Variants in FSTL5 observed in about 807,000 individuals in gnomAD.
FSTL5 encodes follistatin-related protein 5.
In FSTL5, 62 loss-of-function variants were observed where a neutral mutation model predicts 89.1. The ratio of observed to expected loss-of-function variants is 0.70; its 90% CI spans 0.57 to 0.86. The LOEUF is 0.86. Ranked by LOEUF, FSTL5 falls within the 40% of genes least tolerant of loss-of-function variation. The pLI, the probability that FSTL5 is intolerant of heterozygous loss-of-function variation, is 0.00. For missense variants in FSTL5, 1,057 were observed against 1,001.6 expected, an observed-to-expected ratio of 1.06 and a Z score of -0.75; for synonymous variants, 383 against 346.2, an observed-to-expected ratio of 1.11 and a Z score of -1.18.
chr4:162,125,127 C>T (rs1184031545), intron 1 of FSTL5, among the ~76,000 whole-genome samples: 3 of 152,102 alleles, frequency 2.0e-5, no homozygotes, highest in African/African-American at 7.2e-5. Flanking sequence ...GCAAGTAGGG[C>T]CGTTAGCCCA....
At chr4:161,739,864 T>A (rs1579059550) in intron 6 of FSTL5, among the ~76,000 whole-genome samples, 1 of 145,142 alleles carries the variant, frequency 6.9e-6, no homozygotes, top group African/African-American at 2.5e-5. Context: ...AAAAAAAAAA[T>A]TGTTGAGATA....
intron 4 of FSTL5, among the ~76,000 whole-genome samples, chr4:161,901,827 C>G (rs1207659601): frequency 1.3e-5 from 2 of 151,956 alleles, no homozygotes; most frequent in Non-Finnish European, 1.5e-5. Flanking sequence ...CCCAGCTACT[C>G]GGGAGGCCGA....
intron 2 of FSTL5, among the ~76,000 whole-genome samples, chr4:162,086,942 A>G (rs1199479397): frequency 6.6e-6 from 1 of 152,126 alleles, no homozygotes; most frequent in Non-Finnish European, 1.5e-5. Flanking sequence ...GAATATCAAT[A>G]TGACTATTTG....
chr4:161,558,870 T>C (rs1036523183), intron 8 of FSTL5, among the ~76,000 whole-genome samples: 4 of 151,868 alleles, frequency 2.6e-5, no homozygotes, highest in African/African-American at 9.7e-5. Context: ...CCAATCCAGT[T>C]ATTTATGGCA....
At chr4:161,515,995 T>A (rs1730810285) in intron 10 of FSTL5, among the ~76,000 whole-genome samples, 1 of 151,676 alleles carries the variant, frequency 6.6e-6, no homozygotes, top group Non-Finnish European at 1.5e-5. Flanking sequence ...TTCAAACACT[T>A]CAGGTGAACT....
At chr4:161,996,290 C>T (rs902968879) in intron 3 of FSTL5, among the ~76,000 whole-genome samples, 1 of 152,212 alleles carries the variant, frequency 6.6e-6, no homozygotes, top group Non-Finnish European at 1.5e-5. Flanking sequence ...AGGTTGCTCA[C>T]CAGTGAAATA....
chr4:161,790,639 A>G (rs983840062), intron 4 of FSTL5, among the ~76,000 whole-genome samples: 2 of 152,222 alleles, frequency 1.3e-5, no homozygotes, highest in Admixed American at 1.3e-4. Context: ...ACTAATGTAA[A>G]GAGGTCAGCT....
intron 7 of FSTL5, among the ~76,000 whole-genome samples, chr4:161,588,371 C>A (rs1269544427): frequency 9.9e-5 from 15 of 151,882 alleles, no homozygotes; most frequent in Non-Finnish European, 1.5e-5. Flanking sequence ...TCAGTGATAA[C>A]ATTTATAGCC....
chr4:161,836,904 TC>T (rs1249896540), intron 4 of FSTL5, among the ~76,000 whole-genome samples: 1 of 152,136 alleles, frequency 6.6e-6, no homozygotes, highest in Non-Finnish European at 1.5e-5. Flanking sequence ...TTGACTTCAT[TC>T]TTTGAGATAG....
intron 13 of FSTL5, among the ~76,000 whole-genome samples, chr4:161,468,485 C>T (rs1166181735): frequency 6.6e-6 from 1 of 151,986 alleles, no homozygotes; most frequent in African/African-American, 2.4e-5. Flanking sequence ...AGATTGCTGC[C>T]CGCAAGCATA....
chr4:161,547,225 C>T (rs1732038093), intron 8 of FSTL5, among the ~76,000 whole-genome samples: 1 of 152,016 alleles, frequency 6.6e-6, no homozygotes, highest in South Asian at 2.1e-4. Context: ...ATGACTACAG[C>T]TCTGAACAAC....
At chr4:161,564,463 T>C (rs560210415) in intron 8 of FSTL5, among the ~76,000 whole-genome samples, 1 of 150,978 alleles carries the variant, frequency 6.6e-6, no homozygotes, top group African/African-American at 2.4e-5. Context: ...AATATAACAA[T>C]ATTTGCTGAA....
chr4:161,846,293 A>G (rs1400947238), intron 4 of FSTL5, among the ~76,000 whole-genome samples: 2 of 152,058 alleles, frequency 1.3e-5, no homozygotes, highest in Non-Finnish European at 2.9e-5. Context: ...AAATTATGTA[A>G]TTTTACCATA....
chr4:162,125,799 A>G (rs1732055507), intron 1 of FSTL5, among the ~76,000 whole-genome samples: 1 of 152,094 alleles, frequency 6.6e-6, no homozygotes, highest in African/African-American at 2.4e-5. Context: ...TTTATCTTTA[A>G]GCGATAAATT....
chr4:162,064,308 T>C (rs958603636), intron 2 of FSTL5, among the ~76,000 whole-genome samples: 1 of 152,016 alleles, frequency 6.6e-6, no homozygotes, highest in Non-Finnish European at 1.5e-5. Flanking sequence ...TGTGAAATGT[T>C]TTATCAAAAA....
At position 162,125,909 on chromosome 4, in the gene FSTL5, TTTG is replaced by T. The variant is rs565824982; in HGVS notation, c.-16-14500_-16-14498del. Among the ~76,000 whole-genome samples the T allele has an allele frequency of 2.9e-3, 444 of 152,202 alleles. 2 individuals are homozygous for T. The highest frequency in any genetic ancestry group is 4.6e-3 in the Non-Finnish European group (315 of 67,940). ...TTTACTGTTGTATATCTTTGATTCT[TTTG>T]TTTTCTTTCATACTTTATATTGGAT... On this transcript the variant is annotated intron_variant, in intron 1 of 15. Transcript: ENST00000306100.
intron 2 of FSTL5, among the ~76,000 whole-genome samples, chr4:162,090,573 C>T (rs2111356005): frequency 6.6e-6 from 1 of 152,212 alleles, no homozygotes; most frequent in African/African-American, 2.4e-5. Context: ...GTAATCCCAT[C>T]ACTTTTGGAG....
At chr4:161,465,931 A>T (rs1733734214) in intron 13 of FSTL5, among the ~76,000 whole-genome samples, 1 of 152,202 alleles carries the variant, frequency 6.6e-6, no homozygotes, top group African/African-American at 2.4e-5. Context: ...TTCGAATAAT[A>T]ATTTTAAAAT....
intron 10 of FSTL5, among the ~76,000 whole-genome samples, chr4:161,532,534 T>C (rs1295564283): frequency 6.6e-6 from 1 of 152,206 alleles, no homozygotes; most frequent in Non-Finnish European, 1.5e-5. Flanking sequence ...TACAAGTCAA[T>C]AATTTCTTAA....
Sources: allele counts gnomAD v4.1 joint callset (sites outside exome capture counted in the v4.1 genomes callset), GRCh38; gene constraint gnomAD v4.1.1; transcripts MANE v1.5; gene names NCBI Gene and HGNC (gene_info 2026-07-23, HGNC 2026-07-21).